Variants in KHDRBS3 observed in about 807,000 individuals in gnomAD.
KHDRBS3 encodes the protein KH RNA binding domain containing, signal transduction associated 3.
A neutral mutation model predicts 45.6 loss-of-function variants in KHDRBS3; 23 were observed. The observed-to-expected ratio is 0.50, with a 90% CI of 0.36 to 0.72. The LOEUF (loss-of-function observed/expected upper bound fraction) is 0.72, where lower values mean the gene tolerates loss of function less well. KHDRBS3 is among the 30% of genes least tolerant of loss of function. The pLI, the probability that KHDRBS3 is intolerant of heterozygous loss-of-function variation, is 0.00. For missense variants in KHDRBS3, 352 were observed against 424.8 expected (o/e 0.83, Z 1.51); for synonymous variants, 162 against 156.5 (o/e 1.04, Z -0.26).
chr8:135,554,509 A>G (rs1314591914), intron 4 of KHDRBS3, among the ~76,000 whole-genome samples: 1 of 152,164 alleles, frequency 6.6e-6, no homozygotes. Context: ...ATTATTTTAG[A>G]GAGGTTGAAA....
intron 7 of KHDRBS3, among the ~76,000 whole-genome samples, chr8:135,609,056 T>C (rs1829594376): frequency 6.6e-6 from 1 of 152,204 alleles, no homozygotes; most frequent in Non-Finnish European, 1.5e-5. Flanking sequence ...CGCGCACCAC[T>C]GCAGGCTTTA....
At chr8:135,625,227 T>C in intron 7 of KHDRBS3, 1 of 1,397,192 alleles carries the variant, frequency 7.2e-7, no homozygotes, top group Non-Finnish European at 1.0e-6. Flanking sequence ...CTTCATCAGA[T>C]GTCACAAAGC....
rs574175985 is a variant in KHDRBS3, at chr8:135,631,207, C to T, written c.891-13852C>T. Among the ~76,000 whole-genome samples the T allele has an allele frequency of 2.2e-3, 281 of 130,646 alleles. 2 individuals carry two copies. The highest frequency in any genetic ancestry group is 5.4e-3 in the Middle Eastern group (1 of 184). The allele number at this position is 130,646 out of a possible 152,430, so 85.7% of individuals were successfully genotyped here. A position where few individuals can be genotyped will look rare whatever the true frequency, so the allele number is the denominator to read the frequency against. ...TGGAGGTTGTGGTTAGCTGAGATCG[C>T]GACACTGCACTCCAGCCTGGGCAAC... On this transcript the variant is annotated intron_variant, in intron 7 of 8. Coordinates refer to ENST00000355849, the MANE Select transcript of KHDRBS3 (RefSeq NM_006558.3).
chr8:135,650,455 T>C (rs774036849), downstream of KHDRBS3, among the ~76,000 whole-genome samples: 1 of 152,236 alleles, frequency 6.6e-6, no homozygotes, highest in Non-Finnish European at 1.5e-5. Flanking sequence ...AAGCCAAGCA[T>C]GTGCTTATCA....
At chr8:135,488,242 AT>A (rs1310038901) in intron 1 of KHDRBS3, among the ~76,000 whole-genome samples, 1 of 152,214 alleles carries the variant, frequency 6.6e-6, no homozygotes, top group Non-Finnish European at 1.5e-5. Context: ...TTAAAGGAAG[AT>A]TACTACCGTA....
intron 8 of KHDRBS3, 73 bp from the exon 9 acceptor site, chr8:135,646,920 G>C (rs781114241): frequency 2.5e-5 from 21 of 836,642 alleles, no homozygotes; most frequent in Middle Eastern, 2.2e-4. Flanking sequence ...TCAGGGCTAA[G>C]TTAGAGTCTG....
At chr8:135,607,559 C>T (rs1171969765) in intron 7 of KHDRBS3, among the ~76,000 whole-genome samples, 2 of 152,126 alleles carry the variant, frequency 1.3e-5, no homozygotes, top group Non-Finnish European at 2.9e-5. Flanking sequence ...TTAAATGTTA[C>T]CAGAGGCAAA....
At chr8:135,555,871 G>T (rs114939121) in intron 4 of KHDRBS3, among the ~76,000 whole-genome samples, 2,163 of 152,220 alleles carry the variant, frequency 0.014, 41 homozygotes, top group African/African-American at 0.049. Flanking sequence ...TTCTCCAAAT[G>T]TTATCCCTCC....
chr8:135,640,880 C>T (rs779406709), intron 7 of KHDRBS3, among the ~76,000 whole-genome samples: 1 of 152,032 alleles, frequency 6.6e-6, no homozygotes, highest in Non-Finnish European at 1.5e-5. Context: ...TTTAGTTTAT[C>T]GCTGGGAAAT....
chr8:135,587,286 G>C, intron 6 of KHDRBS3, among the ~76,000 whole-genome samples: 1 of 152,136 alleles, frequency 6.6e-6, no homozygotes, highest in Middle Eastern at 3.2e-3. Context: ...ACATCTGTTA[G>C]CAAATACATC....
chr8:135,587,191 A>T (rs1828517384), intron 6 of KHDRBS3, among the ~76,000 whole-genome samples: 1 of 152,230 alleles, frequency 6.6e-6, no homozygotes. Context: ...AAGATATTGG[A>T]TCATTTATAC....
At chr8:135,616,449 A>G (rs1219336911) in intron 7 of KHDRBS3, among the ~76,000 whole-genome samples, 1 of 152,206 alleles carries the variant, frequency 6.6e-6, no homozygotes. Flanking sequence ...CAATAAATCA[A>G]TTGCCACTGT....
intron 6 of KHDRBS3, among the ~76,000 whole-genome samples, chr8:135,587,070 T>C (rs1271839440): frequency 6.6e-6 from 1 of 152,194 alleles, no homozygotes; most frequent in Non-Finnish European, 1.5e-5. Context: ...ATTATGCCCA[T>C]TTTAGAAAAC....
intron 7 of KHDRBS3, among the ~76,000 whole-genome samples, chr8:135,635,449 T>C (rs1017480414): frequency 6.6e-6 from 1 of 152,210 alleles, no homozygotes. Flanking sequence ...AGTGGCACGA[T>C]CTTGGCTCAC....
chr8:135,502,720 A>G (rs1823793264), intron 1 of KHDRBS3, among the ~76,000 whole-genome samples: 1 of 152,170 alleles, frequency 6.6e-6, no homozygotes. Context: ...GCTGCTGCTT[A>G]GAATTATTAT....
At chr8:135,542,514 AT>A in intron 2 of KHDRBS3, 139 bp from the exon 3 acceptor site, 2 of 609,752 alleles carry the variant, frequency 3.3e-6, no homozygotes. Context: ...GAAACATCAT[AT>A]TTTAATGCAT....
intron 6 of KHDRBS3, among the ~76,000 whole-genome samples, chr8:135,596,303 A>C (rs1206740378): frequency 6.6e-6 from 1 of 152,242 alleles, no homozygotes; most frequent in Non-Finnish European, 1.5e-5. Context: ...TGAGAATGTG[A>C]ACTGAGTCTT....
intron 6 of KHDRBS3, among the ~76,000 whole-genome samples, chr8:135,604,323 T>C (rs1038598991): frequency 2.6e-5 from 4 of 151,830 alleles, no homozygotes; most frequent in African/African-American, 9.7e-5. Context: ...TGAACTAAAG[T>C]GTGTCTCTTG....
chr8:135,542,774 A>G lies in KHDRBS3; in HGVS notation c.324+4A>G. ...TTCCATGAGAGACAAGGCCAAGGTA[A>G]TATTAATTATAGAAAACGGCTAAGT... On this transcript the variant is annotated splice_donor_region_variant and intron_variant, in intron 3 of 8. Coordinates refer to ENST00000355849, the MANE Select transcript of KHDRBS3 (RefSeq NM_006558.3). 1 of 1,567,958 alleles carries G rather than the reference A, an allele frequency of 6.4e-7. No homozygotes were observed. The highest frequency in any genetic ancestry group is 8.8e-7 in the Non-Finnish European group (1 of 1,139,464).
Sources: allele counts gnomAD v4.1 joint callset (sites outside exome capture counted in the v4.1 genomes callset), GRCh38; gene constraint gnomAD v4.1.1; transcripts MANE v1.5; gene names NCBI Gene and HGNC (gene_info 2026-07-23, HGNC 2026-07-21).